Variants in NAV3 observed in about 807,000 individuals in gnomAD.
NAV3 encodes neuron navigator 3, also known as pore membrane and/or filament interacting like protein 1.
Under a neutral mutation model 244.7 loss-of-function variants are expected in NAV3, and 87 were observed. That is an observed-to-expected ratio of 0.36 (90% CI 0.30 to 0.42). The LOEUF is 0.42. Ranked by LOEUF, NAV3 falls within the 20% of genes least tolerant of loss-of-function variation. NAV3 has a pLI of 1.00. For synonymous variants in NAV3, 1,126 were observed against 1,042.2 expected (o/e 1.08, Z -1.55); for missense variants, 2,663 against 2,893.3 (o/e 0.92, Z 1.83).
At chr12:77,647,022 TACAC>T (rs961375754) in intron 2 of NAV3, among the ~76,000 whole-genome samples, 9 of 150,748 alleles carry the variant, frequency 6.0e-5, no homozygotes, top group African/African-American at 1.7e-4. Context: ...TACATGGACA[TACAC>T]ACACACATAT....
In NAV3 at chr12:77,936,136, AT is replaced by A. The variant is rs149042962; in HGVS notation, c.244-4181del. ...ACAAATATTAAGTGGCAGAGCAGAC[AT>A]TCCAACAATGTGAATTGTTCCTCAA... On this transcript the variant is annotated intron_variant, in intron 1 of 39. Transcript: ENST00000397909. Among the ~76,000 whole-genome samples the A allele has an allele frequency of 2.2e-3, 342 of 152,366 alleles. 4 individuals carry two copies. Among genetic ancestry groups the A allele is most frequent in the African/African-American group, 7.3e-3 (304 of 41,586 alleles).
At chr12:78,068,919 G>T (rs1393905547) in intron 12 of NAV3, among the ~76,000 whole-genome samples, 2 of 150,982 alleles carry the variant, frequency 1.3e-5, no homozygotes, top group Non-Finnish European at 2.9e-5. Flanking sequence ...TATTTAAGAA[G>T]TTATATCTAT....
intron 2 of NAV3, among the ~76,000 whole-genome samples, chr12:77,716,942 AT>A (rs1225183538): frequency 6.6e-6 from 1 of 152,006 alleles, no homozygotes; most frequent in Non-Finnish European, 1.5e-5. Context: ...CTTTCAGGAA[AT>A]TTCCTGTAAT....
intron 8 of NAV3, among the ~76,000 whole-genome samples, chr12:78,021,014 T>C (rs772950281): frequency 6.6e-6 from 1 of 152,156 alleles, no homozygotes; most frequent in Non-Finnish European, 1.5e-5. Context: ...CTGCATCAAA[T>C]AGAAAGCATA....
At chr12:77,837,732 T>A (rs1030800167) in intron 1 of NAV3, among the ~76,000 whole-genome samples, 1 of 152,206 alleles carries the variant, frequency 6.6e-6, no homozygotes, top group African/African-American at 2.4e-5. Flanking sequence ...ACTTAATTAA[T>A]AGTAGGGTTT....
intron 12 of NAV3, among the ~76,000 whole-genome samples, chr12:78,087,327 T>C (rs1420137516): frequency 5.3e-5 from 8 of 151,922 alleles, no homozygotes; most frequent in African/African-American, 1.9e-4. Context: ...TAGCTGAAAA[T>C]CAACAGCCTA....
chr12:77,629,015 G>A (rs1194389164), intron 2 of NAV3, among the ~76,000 whole-genome samples: 3 of 152,020 alleles, frequency 2.0e-5, no homozygotes, highest in Non-Finnish European at 4.4e-5. Flanking sequence ...AATGTGCTTA[G>A]TAGGTAAACC....
At chr12:77,751,818 G>GT (rs140862168) in intron 2 of NAV3, among the ~76,000 whole-genome samples, 2 of 152,206 alleles carry the variant, frequency 1.3e-5, no homozygotes, top group East Asian at 1.9e-4. Context: ...TTCAATTGAA[G>GT]TTTTTTTCTT....
rs183594616 is a variant in NAV3, at chr12:78,058,320, C to T, written c.2517-676C>T. Among the ~76,000 whole-genome samples, 5 of 152,272 alleles carry T rather than the reference C, an allele frequency of 3.3e-5. No homozygotes were observed. In the East Asian group the frequency reaches 7.7e-4, roughly 24 times the overall value. ...AAGTCAAGGGACATATTACATGGCA[C>T]ACCGCAGGCAAGAGAGCTTGTGCAA... On this transcript the variant is annotated intron_variant, in intron 11 of 39. Coordinates refer to ENST00000397909, the MANE Select transcript of NAV3 (RefSeq NM_001024383.2).
chr12:77,589,515 T>A (rs1004092564), intron 2 of NAV3, among the ~76,000 whole-genome samples: 2 of 152,114 alleles, frequency 1.3e-5, no homozygotes, highest in Admixed American at 6.6e-5. Flanking sequence ...AAACTTATGA[T>A]CGTGGCAGAA....
chr12:77,611,246 A>G (rs994572454), intron 2 of NAV3, among the ~76,000 whole-genome samples: 1 of 151,930 alleles, frequency 6.6e-6, no homozygotes, highest in African/African-American at 2.4e-5. Context: ...TTTGTTTTCT[A>G]ATTTTCTATT....
At chr12:77,994,939 C>A (rs1593225322) in intron 6 of NAV3, 68 bp downstream of exon 6, 6 of 1,195,034 alleles carry the variant, frequency 5.0e-6, no homozygotes, top group Non-Finnish European at 7.2e-6. Flanking sequence ...GATATTTTGT[C>A]CTATCTTTTT....
At chr12:77,985,296 T>C (rs886960623) in intron 5 of NAV3, among the ~76,000 whole-genome samples, 1 of 152,176 alleles carries the variant, frequency 6.6e-6, no homozygotes, top group Non-Finnish European at 1.5e-5. Context: ...AATTGGACAA[T>C]TGCATAAATC....
intron 12 of NAV3, among the ~76,000 whole-genome samples, chr12:78,089,861 TA>T (rs1279113932): frequency 6.6e-6 from 1 of 152,160 alleles, no homozygotes; most frequent in Non-Finnish European, 1.5e-5. Flanking sequence ...CTCTTTAACT[TA>T]AACCTTGATC....
intron 1 of NAV3, among the ~76,000 whole-genome samples, chr12:77,849,489 T>C (rs1160291489): frequency 2.6e-5 from 4 of 152,176 alleles, no homozygotes; most frequent in Non-Finnish European, 5.9e-5. Flanking sequence ...GAAAATTCCA[T>C]ACCTGATTTC....
intron 2 of NAV3, among the ~76,000 whole-genome samples, chr12:77,820,518 C>T (rs934718866): frequency 2.6e-5 from 4 of 152,248 alleles, no homozygotes; most frequent in Middle Eastern, 6.8e-3. Context: ...AGGCCACAAC[C>T]GCCAATATTG....
At position 78,119,261 on chromosome 12, in the gene NAV3, C is replaced by A. The variant is rs745825519; in HGVS notation, c.3065C>A (p.Ser1022Tyr). The A allele has an allele frequency of 1.2e-5, 19 of 1,612,980 alleles. No homozygotes were observed. In the Admixed American group the frequency reaches 3.2e-4, roughly 27 times the overall value. The change falls in exon 15 of 40, where the codon TCT becomes TAT. Residue 1022 changes from serine to tyrosine, a missense_variant. Ser to Tyr is a moderately radical substitution (Grantham distance 144). Transcript: ENST00000397909. The stretch of plus-strand genomic sequence containing the variant: ...GGGAAAACCGATGATGCCAAAGCTT[C>A]TGAGAAAGGAAAAGCTCCCCTAAAA... ...TPGKTDDAKASEKGKAPLKGS... is the reference protein window; with the variant it reads ...TPGKTDDAKAYEKGKAPLKGS...
chr12:77,784,828 G>C (rs1488475984), intron 2 of NAV3, among the ~76,000 whole-genome samples: 1 of 152,156 alleles, frequency 6.6e-6, no homozygotes, highest in Non-Finnish European at 1.5e-5. Context: ...TCTGCTAAGG[G>C]CATGACAAGG....
intron 2 of NAV3, among the ~76,000 whole-genome samples, chr12:77,689,881 C>A (rs892597924): frequency 3.3e-5 from 5 of 151,552 alleles, no homozygotes; most frequent in African/African-American, 1.2e-4. Context: ...GTAATTATTG[C>A]AAAGTCAGCA....
Sources: allele counts gnomAD v4.1 joint callset (sites outside exome capture counted in the v4.1 genomes callset), GRCh38; gene constraint gnomAD v4.1.1; transcripts MANE v1.5; gene names NCBI Gene and HGNC (gene_info 2026-07-23, HGNC 2026-07-21).